Variants in RGS7 observed in about 807,000 individuals in gnomAD.
RGS7 encodes regulator of G-protein signaling 7.
RGS7 carries 27 observed loss-of-function variants against 81.1 expected under a neutral mutation model. The ratio of observed to expected loss-of-function variants is 0.33; its 90% CI spans 0.25 to 0.46. The LOEUF (loss-of-function observed/expected upper bound fraction) is 0.46. RGS7 is among the 20% of genes least tolerant of loss of function. RGS7 has a pLI of 1.00. For synonymous variants in RGS7, 208 were observed against 207.7 expected (o/e 1.00, Z -0.01); for missense variants, 396 against 607.4 (o/e 0.65, Z 3.66).
At chr1:240,827,644 C>A (rs1167898083) in intron 9 of RGS7, among the ~76,000 whole-genome samples, 1 of 151,892 alleles carries the variant, frequency 6.6e-6, no homozygotes, top group Non-Finnish European at 1.5e-5. Flanking sequence ...GGGTGGATCA[C>A]CTGAGGTAAG....
At chr1:241,036,962 A>T (rs1272831843) in intron 3 of RGS7, among the ~76,000 whole-genome samples, 1 of 152,220 alleles carries the variant, frequency 6.6e-6, no homozygotes, top group Non-Finnish European at 1.5e-5. Context: ...AAGATGAAAA[A>T]AGCTTGAGCC....
At chr1:241,094,942 T>A (rs557202803) in intron 3 of RGS7, among the ~76,000 whole-genome samples, 23 of 152,288 alleles carry the variant, frequency 1.5e-4, no homozygotes, top group African/African-American at 5.3e-4. Flanking sequence ...GCTATCAATC[T>A]TAGGGGCAAC....
At chr1:241,106,752 C>CCACACACACA (rs778017157) in intron 2 of RGS7, among the ~76,000 whole-genome samples, 3,052 of 121,594 alleles carry the variant, frequency 0.025, 85 homozygotes, top group East Asian at 0.12. Flanking sequence ...AACACCACCA[C>CCACACACACA]CACACACACA....
rs1380300848 is a variant in RGS7 at position 240,993,273 on chromosome 1, AAG to A, written c.176-10146_176-10145del. Among the ~76,000 whole-genome samples, 12 of 151,986 alleles carry A rather than the reference AAG, an allele frequency of 7.9e-5. 2 individuals carry two copies. In the South Asian group the frequency reaches 1.3e-3, roughly 16 times the overall value. ...GGAAAGAAAGAAAGAAAGAAAAAGA[AAG>A]AAAGAGAGAGAGAGAGAAAGAAAGA... is the stretch of plus-strand genomic sequence containing the variant. On this transcript the variant is annotated intron_variant, in intron 3 of 18. Transcript: ENST00000440928.
At chr1:241,152,509 G>A (rs1383623105) in intron 2 of RGS7, among the ~76,000 whole-genome samples, 13 of 152,196 alleles carry the variant, frequency 8.5e-5, no homozygotes, top group Admixed American at 8.5e-4. Context: ...CATTCCTGAA[G>A]CCCATTGAAC....
chr1:241,322,184 C>T (rs2081251182), intron 2 of RGS7, among the ~76,000 whole-genome samples: 1 of 152,192 alleles, frequency 6.6e-6, no homozygotes, highest in Non-Finnish European at 1.5e-5. Context: ...CTCTTGCCAC[C>T]TCTACCACAT....
intron 2 of RGS7, among the ~76,000 whole-genome samples, chr1:241,170,230 T>C (rs1445147441): frequency 6.6e-6 from 1 of 152,212 alleles, no homozygotes; most frequent in Non-Finnish European, 1.5e-5. Context: ...GACTTTTGCT[T>C]TCAATTATTT....
intron 3 of RGS7, among the ~76,000 whole-genome samples, chr1:241,016,343 C>A (rs558995221): frequency 1.3e-5 from 2 of 151,984 alleles, no homozygotes; most frequent in African/African-American, 2.4e-5. Context: ...CATCGTGAGA[C>A]CCTGTCTCTA....
intron 2 of RGS7, among the ~76,000 whole-genome samples, chr1:241,180,140 C>A (rs919578570): frequency 3.3e-5 from 5 of 151,964 alleles, no homozygotes; most frequent in Non-Finnish European, 4.4e-5. Context: ...TTTGGGAAGC[C>A]GAGGCAGGCG....
At chr1:240,784,789 G>T (rs1295532894) in intron 18 of RGS7, among the ~76,000 whole-genome samples, 1 of 151,588 alleles carries the variant, frequency 6.6e-6, no homozygotes, top group East Asian at 1.9e-4. Flanking sequence ...ATATTCTTGA[G>T]TGCCTTGTAG....
chr1:241,315,838 C>G (rs1205691036), intron 2 of RGS7, among the ~76,000 whole-genome samples: 3 of 152,176 alleles, frequency 2.0e-5, no homozygotes, highest in Admixed American at 6.5e-5. Context: ...GTGCCCTTTT[C>G]ATATACAGCC....
chr1:241,339,074 G>A (rs1027506843), intron 2 of RGS7, among the ~76,000 whole-genome samples: 11 of 151,946 alleles, frequency 7.2e-5, no homozygotes, highest in East Asian at 1.9e-4. Flanking sequence ...AGTGCGTGTC[G>A]TTCCCCTCCC....
At chr1:240,834,075 C>A (rs1237099356) in intron 9 of RGS7, among the ~76,000 whole-genome samples, 1 of 152,222 alleles carries the variant, frequency 6.6e-6, no homozygotes, top group Non-Finnish European at 1.5e-5. Context: ...GTGCGAAGCA[C>A]TGTGCCTAGC....
At chr1:241,279,119 C>T (rs116278354) in intron 2 of RGS7, among the ~76,000 whole-genome samples, 3,918 of 151,408 alleles carry the variant, frequency 0.026, 73 homozygotes, top group Middle Eastern at 0.11. Context: ...TTCTTCATAA[C>T]ATATATAATA....
chr1:240,989,337 G>A (rs1257393236), intron 3 of RGS7, among the ~76,000 whole-genome samples: 1 of 151,938 alleles, frequency 6.6e-6, no homozygotes, highest in Admixed American at 6.6e-5. Context: ...CTACTCGGGA[G>A]GCTGAGGCAG....
At chr1:241,347,175 G>T (rs905941170) in intron 2 of RGS7, among the ~76,000 whole-genome samples, 10 of 152,164 alleles carry the variant, frequency 6.6e-5, no homozygotes, top group African/African-American at 2.4e-4. Context: ...TGAGTAAATG[G>T]AGGAAATCAT....
intron 12 of RGS7, 109 bp from the exon 13 acceptor site, chr1:240,813,837 C>T (rs553185142): frequency 1.4e-6 from 1 of 737,300 alleles, no homozygotes; most frequent in East Asian, 2.7e-5. Context: ...TCCTTGTTCA[C>T]TTAAAGCATG....
intron 2 of RGS7, among the ~76,000 whole-genome samples, chr1:241,115,052 AAAC>A (rs1206333285): frequency 6.6e-6 from 1 of 152,252 alleles, no homozygotes; most frequent in Non-Finnish European, 1.5e-5. Context: ...ACAGAAAAGA[AAAC>A]AAACTGTAAC....
intron 6 of RGS7, among the ~76,000 whole-genome samples, chr1:240,929,461 G>A (rs16841055): frequency 0.032 from 4,887 of 151,650 alleles, 248 homozygotes; most frequent in African/African-American, 0.11. Context: ...TTAATTTTTC[G>A]GTATTCTGGT....
Sources: gnomAD v4.1 joint callset for allele counts (sites outside exome capture counted in the v4.1 genomes callset) on GRCh38, gnomAD v4.1.1 for gene constraint, MANE v1.5 for transcripts, NCBI Gene and HGNC (gene_info 2026-07-23, HGNC 2026-07-21) for gene names.